SUSD4: variants seen among roughly 807,000 people sequenced by gnomAD.
SUSD4 encodes the protein sushi domain-containing protein 4.
SUSD4 carries 41 observed loss-of-function variants against 50.5 expected under a neutral mutation model. The ratio of observed to expected loss-of-function variants is 0.81; its 90% CI spans 0.63 to 1.05. The LOEUF is 1.05. SUSD4 is among the 50% of genes least tolerant of loss of function. The pLI is 0.00. For synonymous variants in SUSD4, 257 were observed against 257.3 expected, an observed-to-expected ratio of 1.00 and a Z score of 0.01; for missense variants, 580 against 634.7, an observed-to-expected ratio of 0.91 and a Z score of 0.93.
At chr1:223,315,604 C>G (rs1666138472) in intron 2 of SUSD4, among the ~76,000 whole-genome samples, 1 of 152,208 alleles carries the variant, frequency 6.6e-6, no homozygotes, top group Admixed American at 6.5e-5. Context: ...CCATGTAGCA[C>G]AGCTGGCCTT....
intron 2 of SUSD4, among the ~76,000 whole-genome samples, chr1:223,325,061 T>G (rs1239472696): frequency 6.6e-6 from 1 of 152,110 alleles, no homozygotes; most frequent in African/African-American, 2.4e-5. Context: ...ACCAAGGCAT[T>G]TGGAAATTCT....
intron 7 of SUSD4, 74 bp from the exon 8 acceptor site, chr1:223,223,705 T>C (rs982922297): frequency 4.7e-6 from 7 of 1,484,210 alleles, no homozygotes; most frequent in African/African-American, 1.4e-5. Flanking sequence ...TACTCCCTCC[T>C]GCACTCGGGG....
At chr1:223,363,136 C>A in intron 2 of SUSD4, 142 bp downstream of exon 2, 3 of 1,058,054 alleles carry the variant, frequency 2.8e-6, no homozygotes, top group Non-Finnish European at 3.7e-6. Context: ...CGGCCATAGG[C>A]TGGGACGCAG....
intron 5 of SUSD4, among the ~76,000 whole-genome samples, chr1:223,261,505 A>C (rs1662119521): frequency 2.0e-5 from 3 of 152,176 alleles, no homozygotes; most frequent in Non-Finnish European, 2.9e-5. Context: ...CCTGCTTCCA[A>C]ATGGCATTAA....
chr1:223,354,444 T>C (rs957961344), intron 2 of SUSD4, among the ~76,000 whole-genome samples: 4 of 152,156 alleles, frequency 2.6e-5, no homozygotes, highest in African/African-American at 9.7e-5. Flanking sequence ...GGGAAAAATC[T>C]GGGCAAGCCT....
At chr1:223,300,267 G>A (rs959656452) in intron 2 of SUSD4, among the ~76,000 whole-genome samples, 2 of 152,164 alleles carry the variant, frequency 1.3e-5, no homozygotes, top group Non-Finnish European at 2.9e-5. Flanking sequence ...GAGGAGTATT[G>A]TAATTTGGAC....
intron 3 of SUSD4, among the ~76,000 whole-genome samples, chr1:223,278,784 AC>A (rs1373924882): frequency 1.3e-5 from 2 of 152,010 alleles, no homozygotes; most frequent in Non-Finnish European, 2.9e-5. Flanking sequence ...TGGGTCCCTG[AC>A]CCCCAAGTAG....
At chr1:223,363,916 G>C (rs1669159693) in intron 1 of SUSD4, 141 bp downstream of exon 1, 1 of 151,594 alleles carries the variant, frequency 6.6e-6, no homozygotes, top group Non-Finnish European at 1.5e-5. Flanking sequence ...TACTGCCCCA[G>C]TCCCCAGTGA....
intron 5 of SUSD4, among the ~76,000 whole-genome samples, chr1:223,257,581 A>G (rs558495454): frequency 5.9e-5 from 9 of 152,306 alleles, no homozygotes; most frequent in South Asian, 2.1e-4. Context: ...GAGAAAGGGA[A>G]ATTGGTGATG....
intron 5 of SUSD4, among the ~76,000 whole-genome samples, chr1:223,244,395 A>G (rs984177597): frequency 2.6e-5 from 4 of 152,208 alleles, no homozygotes; most frequent in Admixed American, 2.6e-4. Flanking sequence ...AGAGGAGGCC[A>G]GGAAAAGGGC....
chr1:223,244,989 G>A (rs1331552247), intron 5 of SUSD4, among the ~76,000 whole-genome samples: 47 of 152,062 alleles, frequency 3.1e-4, no homozygotes, highest in Admixed American at 3.1e-3. Context: ...CTTTTAAACT[G>A]AAATCTAGAA....
In SUSD4 at chr1:223,232,224, C is replaced by T. The variant is rs564430327; in HGVS notation, c.725-2836G>A. Reference sequence around the variant, plus strand: ...GGTAAAAGGGTGCAGTTCCATAGGACGAAGCCCAGAGCTCTGATGTATAGT... The same window carrying T: ...GGTAAAAGGGTGCAGTTCCATAGGATGAAGCCCAGAGCTCTGATGTATAGT... On this transcript the variant is annotated intron_variant, in intron 5 of 8. Coordinates refer to ENST00000366878, the MANE Select transcript of SUSD4 (RefSeq NM_017982.4). 1.2e-4 allele frequency among the ~76,000 whole-genome samples: 18 copies of T among 152,206 alleles called. No individual in the cohort carries two copies. In the South Asian group the frequency reaches 3.5e-3, roughly 30 times the overall value.
At chr1:223,235,490 C>G (rs543596407) in intron 5 of SUSD4, among the ~76,000 whole-genome samples, 129 of 152,220 alleles carry the variant, frequency 8.5e-4, no homozygotes, top group African/African-American at 2.7e-3. Context: ...CATTGCCCCC[C>G]CAAATCCTCT....
chr1:223,235,810 A>C (rs1220422584), intron 5 of SUSD4, among the ~76,000 whole-genome samples: 3 of 152,244 alleles, frequency 2.0e-5, no homozygotes, highest in Non-Finnish European at 4.4e-5. Flanking sequence ...AATTATGAAT[A>C]AATCTGCTAT....
In SUSD4 at chr1:223,364,009, C is replaced by A. The variant is rs1415705994; in HGVS notation, c.-36+48G>T. 6.6e-6 allele frequency: 1 copy of A among 152,624 alleles called. No individual in the cohort carries two copies. Among genetic ancestry groups the A allele is most frequent in the African/African-American group, 2.4e-5 (1 of 41,348 alleles). 9.5% of individuals were successfully genotyped at this position (152,624 alleles called of 1,614,324 possible). Reference sequence around the variant, plus strand: ...GCACCAACTCCCCCTCCCCGGCCTGCGCGCGCCTCCTCGGAATGGAAGACC... The same window carrying A: ...GCACCAACTCCCCCTCCCCGGCCTGAGCGCGCCTCCTCGGAATGGAAGACC... On this transcript the variant is annotated intron_variant, in intron 1 of 8. Transcript: ENST00000366878. This position sits in a 1 kb window ranked among gnomAD's most constrained non-coding sequence, Gnocchi z 4.5.
chr1:223,346,365 T>G (rs1395317264), intron 2 of SUSD4, among the ~76,000 whole-genome samples: 1 of 152,190 alleles, frequency 6.6e-6, no homozygotes, highest in Non-Finnish European at 1.5e-5. Flanking sequence ...ATTTTCCTAT[T>G]TATGATTTCC....
intron 2 of SUSD4, among the ~76,000 whole-genome samples, chr1:223,331,209 T>C (rs765734346): frequency 3.9e-5 from 6 of 152,216 alleles, no homozygotes; most frequent in Non-Finnish European, 7.3e-5. Flanking sequence ...CTGCTCAGGA[T>C]GGTGATGACT....
chr1:223,283,516 CA>C (rs1663907509), intron 3 of SUSD4, among the ~76,000 whole-genome samples: 1 of 152,190 alleles, frequency 6.6e-6, no homozygotes, highest in Admixed American at 6.5e-5. Flanking sequence ...AAATGCAAAT[CA>C]AAACCACAAT....
At chr1:223,260,911 G>A (rs1174190919) in intron 5 of SUSD4, among the ~76,000 whole-genome samples, 1 of 152,186 alleles carries the variant, frequency 6.6e-6, no homozygotes, top group Admixed American at 6.5e-5. Context: ...ACATGTCAGT[G>A]TGACAGCTGT....
Sources: allele counts gnomAD v4.1 joint callset (sites outside exome capture counted in the v4.1 genomes callset), GRCh38; gene constraint gnomAD v4.1.1; non-coding constraint Gnocchi (gnomAD v3.1); transcripts MANE v1.5; gene names NCBI Gene and HGNC (gene_info 2026-07-23, HGNC 2026-07-21).